ROR1: variants seen among roughly 807,000 people sequenced by gnomAD.
ROR1 encodes inactive tyrosine-protein kinase transmembrane receptor ROR1.
ROR1 carries 19 observed loss-of-function variants against 78.8 expected under a neutral mutation model. That is an observed-to-expected ratio of 0.24 (90% CI 0.17 to 0.35). The LOEUF (loss-of-function observed/expected upper bound fraction) is 0.35, where lower values mean the gene tolerates loss of function less well. ROR1 is among the 10% of genes least tolerant of loss of function. ROR1 has a pLI of 1.00. For synonymous variants in ROR1, 386 were observed against 433.6 expected, an observed-to-expected ratio of 0.89 and a Z score of 1.36; for missense variants, 917 against 1,177.8, an observed-to-expected ratio of 0.78 and a Z score of 3.24.
At chr1:64,162,488 A>T (rs1011069217) in intron 8 of ROR1, among the ~76,000 whole-genome samples, 1 of 152,210 alleles carries the variant, frequency 6.6e-6, no homozygotes, top group African/African-American at 2.4e-5. Context: ...GGGCAAAGGA[A>T]GCCAGTGGAC....
intron 4 of ROR1, among the ~76,000 whole-genome samples, chr1:64,062,010 A>C (rs1646920535): frequency 6.6e-6 from 1 of 152,162 alleles, no homozygotes; most frequent in Admixed American, 6.5e-5. Flanking sequence ...AACAGTGTGA[A>C]AGATTTTTAC....
intron 1 of ROR1, among the ~76,000 whole-genome samples, chr1:63,865,432 C>G (rs914311284): frequency 6.6e-6 from 1 of 152,182 alleles, no homozygotes. Flanking sequence ...CAACAAACTT[C>G]TGATATTATT....
intron 1 of ROR1, among the ~76,000 whole-genome samples, chr1:63,923,535 A>G (rs1005892741): frequency 6.6e-6 from 1 of 151,834 alleles, no homozygotes; most frequent in African/African-American, 2.4e-5. Flanking sequence ...AGAAGTCATC[A>G]CAAATTCTGA....
At chr1:64,094,001 A>G (rs1223490523) in intron 4 of ROR1, among the ~76,000 whole-genome samples, 1 of 152,196 alleles carries the variant, frequency 6.6e-6, no homozygotes, top group South Asian at 2.1e-4. Flanking sequence ...CAGAACTTAC[A>G]TTGAAAGCTA....
At chr1:63,959,345 A>G (rs1333451326) in intron 1 of ROR1, among the ~76,000 whole-genome samples, 1 of 152,170 alleles carries the variant, frequency 6.6e-6, no homozygotes, top group East Asian at 1.9e-4. Flanking sequence ...GGACACAGCC[A>G]AACCATATCA....
chr1:64,023,838 C>T (rs192285451), intron 2 of ROR1, among the ~76,000 whole-genome samples: 1 of 152,080 alleles, frequency 6.6e-6, no homozygotes, highest in East Asian at 1.9e-4. Context: ...GCTCTGTGTC[C>T]CCACCCAAAT....
chr1:63,934,333 C>T (rs1404472098), intron 1 of ROR1, among the ~76,000 whole-genome samples: 1 of 152,142 alleles, frequency 6.6e-6, no homozygotes, highest in African/African-American at 2.4e-5. Flanking sequence ...GAGACTTACA[C>T]TCATTAAGGC....
At chr1:63,824,405 CA>C (rs1644941671) in intron 1 of ROR1, among the ~76,000 whole-genome samples, 2 of 152,046 alleles carry the variant, frequency 1.3e-5, no homozygotes, top group Admixed American at 6.6e-5. Flanking sequence ...TCATTTGTCA[CA>C]AAATATTATT....
intron 2 of ROR1, among the ~76,000 whole-genome samples, chr1:64,019,601 T>C (rs1006238481): frequency 6.6e-6 from 1 of 152,222 alleles, no homozygotes; most frequent in Non-Finnish European, 1.5e-5. Context: ...GAGTAACACC[T>C]CCCTTTCTCA....
At chr1:63,998,453 T>C (rs539446205) in intron 1 of ROR1, among the ~76,000 whole-genome samples, 4 of 152,134 alleles carry the variant, frequency 2.6e-5, no homozygotes, top group Non-Finnish European at 4.4e-5. Context: ...TTTATTGATA[T>C]CAGTGTTATA....
At chr1:63,963,596 A>T (rs550989153) in intron 1 of ROR1, among the ~76,000 whole-genome samples, 62 of 151,738 alleles carry the variant, frequency 4.1e-4, no homozygotes, top group Admixed American at 7.9e-4. Flanking sequence ...CAAAAAAAAA[A>T]ACAAAACAAA....
intron 4 of ROR1, among the ~76,000 whole-genome samples, chr1:64,119,092 T>C (rs868550861): frequency 6.6e-6 from 1 of 152,198 alleles, no homozygotes; most frequent in South Asian, 2.1e-4. Flanking sequence ...TTCTTGCTTC[T>C]TAAAGAGCCA....
chr1:63,916,524 T>C (rs2100423109), intron 1 of ROR1, among the ~76,000 whole-genome samples: 1 of 152,390 alleles, frequency 6.6e-6, no homozygotes, highest in African/African-American at 2.4e-5. Context: ...ACCTGCCATT[T>C]GTTCTCTGAA....
chr1:64,115,329 C>T (rs1187972385), intron 4 of ROR1, among the ~76,000 whole-genome samples: 1 of 152,124 alleles, frequency 6.6e-6, no homozygotes, highest in Non-Finnish European at 1.5e-5. Context: ...GATCCTCTTG[C>T]CTCAGCCTCC....
At chr1:64,012,210 G>T (rs774389000) in intron 2 of ROR1, among the ~76,000 whole-genome samples, 3 of 152,204 alleles carry the variant, frequency 2.0e-5, no homozygotes, top group African/African-American at 7.2e-5. Flanking sequence ...GGGGATAAGA[G>T]TTGGAGCCAC....
At chr1:63,971,959 C>A (rs1569995646) in intron 1 of ROR1, among the ~76,000 whole-genome samples, 1 of 152,244 alleles carries the variant, frequency 6.6e-6, no homozygotes, top group East Asian at 1.9e-4. Context: ...TTGATCAAAC[C>A]CACCTTTCCA....
At chr1:63,844,088 A>T (rs1645065859) in intron 1 of ROR1, among the ~76,000 whole-genome samples, 1 of 152,122 alleles carries the variant, frequency 6.6e-6, no homozygotes, top group Admixed American at 6.5e-5. Context: ...CAGTGACTTA[A>T]CCTTTGTAGC....
intron 4 of ROR1, among the ~76,000 whole-genome samples, chr1:64,066,999 G>A (rs955844183): frequency 1.3e-5 from 2 of 151,796 alleles, no homozygotes; most frequent in African/African-American, 4.8e-5. Context: ...TCAAACTCCA[G>A]TGTGTACCTG....
intron 4 of ROR1, among the ~76,000 whole-genome samples, chr1:64,091,869 T>C (rs920735701): frequency 1.3e-5 from 2 of 152,144 alleles, no homozygotes; most frequent in Non-Finnish European, 2.9e-5. Context: ...CAGGAAGCGA[T>C]GGGTATGAGC....
Sources: allele counts gnomAD v4.1 joint callset (sites outside exome capture counted in the v4.1 genomes callset), GRCh38; gene constraint gnomAD v4.1.1; transcripts MANE v1.5; gene names NCBI Gene and HGNC (gene_info 2026-07-23, HGNC 2026-07-21).